USP32: variants seen among roughly 807,000 people sequenced by gnomAD.
The protein encoded by USP32 is ubiquitin specific peptidase 32.
In USP32, 59 loss-of-function variants were observed where a neutral mutation model predicts 204.8. That is an observed-to-expected ratio of 0.29 (90% confidence interval 0.23 to 0.36). The LOEUF is 0.36. Among genes scored for constraint, USP32 ranks in the 10% least tolerant of loss-of-function variants. USP32 has a pLI of 1.00. For synonymous variants in USP32, 517 were observed against 678.4 expected, an observed-to-expected ratio of 0.76 and a Z score of 3.70; for missense variants, 1,160 against 1,946.4, an observed-to-expected ratio of 0.60 and a Z score of 7.60.
intron 1 of USP32, among the ~76,000 whole-genome samples, chr17:60,389,019 T>C (rs1281814667): frequency 1.3e-5 from 2 of 152,214 alleles, no homozygotes; most frequent in Non-Finnish European, 2.9e-5. Flanking sequence ...TAGGCATTAT[T>C]TAGCATTCAA....
At chr17:60,349,665 A>G in intron 1 of USP32, among the ~76,000 whole-genome samples, 1 of 113,624 alleles carries the variant, frequency 8.8e-6, no homozygotes, top group South Asian at 2.4e-4. Flanking sequence ...ATATATATAC[A>G]CATATATATA....
At chr17:60,227,611 C>T (rs930886633) in intron 12 of USP32, among the ~76,000 whole-genome samples, 6 of 150,500 alleles carry the variant, frequency 4.0e-5, no homozygotes, top group Non-Finnish European at 8.9e-5. Context: ...CAGGGTCTCG[C>T]TATGTTGGCT....
At position 60,267,937 on chromosome 17, in the gene USP32, A is replaced by G. The variant is rs377452831; in HGVS notation, c.811+1513T>C. ...GCAATTCTCCTGCCTCAGCTTCTCAAGTAGCTGGGATTACAGATGCCTGCC... is the reference window on the plus strand; with the variant it reads ...GCAATTCTCCTGCCTCAGCTTCTCAGGTAGCTGGGATTACAGATGCCTGCC... On this transcript the variant is annotated intron_variant, in intron 7 of 33. Coordinates refer to ENST00000300896, the MANE Select transcript of USP32 (RefSeq NM_032582.4). Among the ~76,000 whole-genome samples the G allele has an allele frequency of 2.7e-3, 416 of 152,134 alleles. 1 individual carries two copies. Among genetic ancestry groups the G allele is most frequent in the Non-Finnish European group, 4.6e-3 (316 of 68,008 alleles).
In USP32 at chr17:60,178,939, A is replaced by G. The variant is rs2084032169; in HGVS notation, c.*316T>C. On this transcript the variant is annotated 3_prime_UTR_variant, in exon 34 of 34. Coordinates refer to ENST00000300896, the MANE Select transcript of USP32 (RefSeq NM_032582.4). ...TTATGGTAAACTCTATACTCACTAC[A>G]TATTTGTTCATATCTGGACAAGCAC... Among the ~76,000 whole-genome samples, 1 of 152,240 alleles carries G rather than the reference A, an allele frequency of 6.6e-6. No homozygotes were observed. Among genetic ancestry groups the G allele is most frequent in the South Asian group, 2.1e-4 (1 of 4,832 alleles).
At chr17:60,351,048 A>T (rs983079447) in intron 1 of USP32, among the ~76,000 whole-genome samples, 4 of 152,178 alleles carry the variant, frequency 2.6e-5, no homozygotes, top group African/African-American at 7.2e-5. Flanking sequence ...TGAGAAATTC[A>T]AACAAGAAGC....
rs112375424 is a variant in USP32, at chr17:60,411,324, AAAATAAAT to A, written c.106+10914_106+10921del. Among the ~76,000 whole-genome samples, 83 of 138,592 alleles carry A rather than the reference AAAATAAAT, an allele frequency of 6.0e-4. 1 individual carries two copies. Among genetic ancestry groups the A allele is most frequent in the South Asian group, 1.6e-3 (7 of 4,358 alleles). The allele number at this position is 138,592 out of a possible 152,430, so 90.9% of individuals were successfully genotyped here. On this transcript the variant is annotated intron_variant, in intron 1 of 3. Coordinates refer to the USP32 transcript ENST00000588898. ...GGGCAATAAAAGCAAAACTGTCTCAAAAATAAATAAATAAATAAATAAATAAATAAATA... is the reference window on the plus strand; with the variant it reads ...GGGCAATAAAAGCAAAACTGTCTCAAAAATAAATAAATAAATAAATAAATA...
At chr17:60,369,968 G>A (rs1226511812) in intron 1 of USP32, among the ~76,000 whole-genome samples, 5 of 152,056 alleles carry the variant, frequency 3.3e-5, no homozygotes, top group East Asian at 1.9e-4. Context: ...TCGAACTCCT[G>A]CCTCAAGTAA....
intron 29 of USP32, 103 bp from the exon 30 acceptor site, chr17:60,185,754 T>C (rs1440711424): frequency 2.9e-5 from 39 of 1,331,904 alleles, no homozygotes; most frequent in Non-Finnish European, 3.5e-5. Flanking sequence ...TATTTTACTC[T>C]ATATAAGGAA....
chr17:60,249,848 A>T, intron 11 of USP32: 1 of 615,182 alleles, frequency 1.6e-6, no homozygotes, highest in Non-Finnish European at 2.9e-6. Flanking sequence ...AGAAATCACG[A>T]TACTTTTTTT....
chr17:60,259,823 A>G (rs902958936), intron 9 of USP32, among the ~76,000 whole-genome samples: 7 of 152,172 alleles, frequency 4.6e-5, no homozygotes, highest in African/African-American at 1.4e-4. Context: ...GTTTTTATCA[A>G]TCTTTCTTAG....
intron 1 of USP32, among the ~76,000 whole-genome samples, chr17:60,355,515 T>G (rs2089048747): frequency 6.6e-6 from 1 of 152,090 alleles, no homozygotes; most frequent in Admixed American, 6.6e-5. Context: ...TTTTCAGAAC[T>G]CTAGAAATCA....
chr17:60,265,541 G>A, intron 8 of USP32, 67 bp from the exon 9 acceptor site: 5 of 1,070,944 alleles, frequency 4.7e-6, no homozygotes, highest in Non-Finnish European at 7.0e-6. Context: ...TTATTCAATG[G>A]CTAAAGTATA....
intron 2 of USP32, among the ~76,000 whole-genome samples, chr17:60,342,232 T>C (rs988308147): frequency 6.6e-6 from 1 of 152,156 alleles, no homozygotes; most frequent in Non-Finnish European, 1.5e-5. Context: ...GTATCACCAG[T>C]AGAGGCTGCA....
At chr17:60,347,211 G>A (rs894881435) in intron 1 of USP32, among the ~76,000 whole-genome samples, 2 of 151,718 alleles carry the variant, frequency 1.3e-5, no homozygotes, top group Non-Finnish European at 2.9e-5. Context: ...TTGAGACAGA[G>A]TCTCACTCTG....
chr17:60,196,547 G>A (rs188734316), intron 27 of USP32, among the ~76,000 whole-genome samples: 71 of 152,154 alleles, frequency 4.7e-4, no homozygotes, highest in African/African-American at 1.2e-3. Context: ...TATTTTGGCC[G>A]GGCACGATGG....
intron 4 of USP32, 84 bp from the exon 5 acceptor site, chr17:60,288,766 A>T: frequency 8.6e-7 from 1 of 1,159,216 alleles, no homozygotes; most frequent in Non-Finnish European, 1.2e-6. Context: ...ATTTGCAATT[A>T]GTTGGCAATT....
At chr17:60,282,285 G>A (rs139153803) in intron 5 of USP32, among the ~76,000 whole-genome samples, 7 of 152,270 alleles carry the variant, frequency 4.6e-5, no homozygotes, top group African/African-American at 1.7e-4. Context: ...GAAGACCTTA[G>A]AACTTTGCAA....
Position 60,190,549 on chromosome 17 carries a change from C to T in USP32, c.3642+14G>A. On this transcript the variant is annotated intron_variant, in intron 29 of 33. Coordinates refer to ENST00000300896, the MANE Select transcript of USP32 (RefSeq NM_032582.4). Reference sequence around the variant, plus strand: ...TATAAAAACCACCATTTTATGGTGGCCCTAAATACTTACCCTTTCCTGGGA... The same window carrying T: ...TATAAAAACCACCATTTTATGGTGGTCCTAAATACTTACCCTTTCCTGGGA... 5 of 1,552,512 alleles carry T rather than the reference C, an allele frequency of 3.2e-6. No individual in the cohort carries two copies. The highest frequency in any genetic ancestry group is 3.5e-6 in the Non-Finnish European group (4 of 1,156,814).
intron 1 of USP32, among the ~76,000 whole-genome samples, chr17:60,418,404 T>G (rs997783680): frequency 6.7e-6 from 1 of 148,474 alleles, no homozygotes; most frequent in African/African-American, 2.6e-5. Context: ...CTGTTTTTTT[T>G]TTTTTTTTTT....
Sources: allele counts gnomAD v4.1 joint callset (sites outside exome capture counted in the v4.1 genomes callset), GRCh38; gene constraint gnomAD v4.1.1; transcripts MANE v1.5; gene names NCBI Gene and HGNC (gene_info 2026-07-23, HGNC 2026-07-21).